The following KY variants were observed in gnomAD, a reference collection of about 807,000 sequenced individuals.
KY encodes kyphoscoliosis peptidase.
Under a neutral mutation model 76.1 loss-of-function variants are expected in KY, and 43 were observed. The observed-to-expected ratio is 0.57, with a 90% CI of 0.44 to 0.73. KY has a LOEUF of 0.73. Among genes scored for constraint, KY ranks in the 30% least tolerant of loss-of-function variants. The pLI, the probability that KY is intolerant of heterozygous loss-of-function variation, is 0.00. For missense variants in KY, 722 were observed against 828.9 expected (o/e 0.87, Z 1.58); for synonymous variants, 277 against 326.2 (o/e 0.85, Z 1.63).
At chr3:134,625,208 CT>C (rs1403224208) in intron 5 of KY, 73 bp from the exon 6 acceptor site, 27 of 1,172,110 alleles carry the variant, frequency 2.3e-5, no homozygotes, top group Non-Finnish European at 3.1e-5. Context: ...GCCTTGCTGT[CT>C]CTTTGAGGAG....
chr3:134,620,901 G>A (rs1393886990), intron 6 of KY, 44 bp from the exon 7 acceptor site: 4 of 1,173,034 alleles, frequency 3.4e-6, no homozygotes, highest in Non-Finnish European at 5.0e-6. Context: ...CTCGAGGAGG[G>A]GCTGTTGGGG....
chr3:134,610,514 G>T, intron 8 of KY, 131 bp from the exon 9 acceptor site: 1 of 760,830 alleles, frequency 1.3e-6, no homozygotes, highest in South Asian at 1.8e-5. Flanking sequence ...CTTGCTTCTT[G>T]TACTCACATA....
At chr3:134,643,218 C>G in intron 3 of KY, 98 bp downstream of exon 3, 1 of 1,165,094 alleles carries the variant, frequency 8.6e-7, no homozygotes, top group South Asian at 1.3e-5. Context: ...CCCTGCTCCC[C>G]ATAGTCTGAG....
chr3:134,608,685 G>A lies in KY; in HGVS notation c.1054C>T (p.Leu352=). ...HKSEFYNKGM[L]SAHPETSMIR... The stretch of plus-strand genomic sequence containing the variant: ...ATGGAAGTCTCTGGGTGGGCACTCA[G>A]CATCCCTTTGTTGTAGAATTCACTC... The change falls in exon 10 of 11, where the codon CTG becomes TTG. Residue 352 remains leucine (L), a synonymous_variant. Transcript: ENST00000423778. 1 of 1,614,050 alleles carries A rather than the reference G, an allele frequency of 6.2e-7. No homozygotes were observed. The highest frequency in any genetic ancestry group is 8.5e-7 in the Non-Finnish European group (1 of 1,179,900).
rs1331494550 is a variant in KY, at chr3:134,608,419, T to C, written c.1090+230A>G. On this transcript the variant is annotated intron_variant, in intron 10 of 10. Coordinates refer to ENST00000423778, the MANE Select transcript of KY (RefSeq NM_178554.6). ...CTTTCTGGGTTTATGCTAGTGTGAG[T>C]GAGCTTTTGTCCCTGCTGATGTGGC... is the stretch of plus-strand genomic sequence containing the variant. The C allele has an allele frequency of 2.0e-6, 3 of 1,493,064 alleles. No individual in the cohort carries two copies. In the East Asian group the frequency reaches 8.1e-5, roughly 40 times the overall value. The allele number at this position is 1,493,064 out of a possible 1,614,324, so 92.5% of individuals were successfully genotyped here.
In KY at chr3:134,604,403, G is replaced by T. The variant is rs1959104522; in HGVS notation, c.1162C>A (p.Gln388Lys). The T allele has an allele frequency of 6.2e-7, 1 of 1,613,982 alleles. No homozygotes were observed. Among genetic ancestry groups the T allele is most frequent in the African/African-American group, 1.3e-5 (1 of 75,048 alleles). Residue 388 changes from glutamine to lysine, a missense_variant, in exon 11 of 11, where the codon CAA becomes AAA. Physicochemically the swap from Gln to Lys is moderately conservative, Grantham distance 53. Around this residue, in one of 2 missense-constraint regions of KY, gnomAD observed 552 missense variants for 680.9 expected, o/e 0.81. Coordinates refer to ENST00000423778, the MANE Select transcript of KY (RefSeq NM_178554.6). ...TLFMFMLNGKQEHGLLSLRKN... is the reference protein window; with the variant it reads ...TLFMFMLNGKKEHGLLSLRKN... ...CTTAGGCTCAGCAGCCCATGCTCTTGCTTGCCATTGAGCATGAACATGAAC... is the reference window on the plus strand; with the variant it reads ...CTTAGGCTCAGCAGCCCATGCTCTTTCTTGCCATTGAGCATGAACATGAAC...
chr3:134,639,597 A>T (rs951602670), intron 3 of KY, among the ~76,000 whole-genome samples: 5 of 152,184 alleles, frequency 3.3e-5, no homozygotes, highest in Admixed American at 6.5e-5. Context: ...TTGCATGGGG[A>T]TAAGGGCTGA....
At chr3:134,642,038 T>C (rs912322795) in intron 3 of KY, among the ~76,000 whole-genome samples, 9 of 152,200 alleles carry the variant, frequency 5.9e-5, no homozygotes, top group African/African-American at 1.7e-4. Context: ...TGGCAGGTCC[T>C]GCTGGGCCCA....
chr3:134,645,494 C>T (rs1237428847), intron 2 of KY, among the ~76,000 whole-genome samples: 1 of 152,218 alleles, frequency 6.6e-6, no homozygotes, highest in Non-Finnish European at 1.5e-5. Flanking sequence ...GTGCCTTGGG[C>T]ACCAGTAAGG....
chr3:134,638,134 G>A (rs771092635), intron 3 of KY, among the ~76,000 whole-genome samples: 1 of 152,188 alleles, frequency 6.6e-6, no homozygotes, highest in South Asian at 2.1e-4. Context: ...TTACTGTTGT[G>A]TGAGGGCACC....
chr3:134,634,750 A>G (rs1395974981), intron 3 of KY, among the ~76,000 whole-genome samples: 2 of 152,220 alleles, frequency 1.3e-5, no homozygotes, highest in Non-Finnish European at 2.9e-5. Flanking sequence ...CAAAACTCGC[A>G]TAGAGAGGGC....
At chr3:134,645,117 C>T (rs1035959263) in intron 2 of KY, among the ~76,000 whole-genome samples, 1 of 152,228 alleles carries the variant, frequency 6.6e-6, no homozygotes, top group Non-Finnish European at 1.5e-5. Context: ...TTCCCTTTAG[C>T]TGTGGGGCGT....
At chr3:134,635,493 T>A (rs1311403265) in intron 3 of KY, among the ~76,000 whole-genome samples, 9 of 79,352 alleles carry the variant, frequency 1.1e-4, no homozygotes, top group Admixed American at 9.1e-4. Flanking sequence ...CGAGACTCTG[T>A]AAAAAAAAAA....
At chr3:134,607,485 C>T (rs1369186455) in intron 10 of KY, 6 of 985,508 alleles carry the variant, frequency 6.1e-6, no homozygotes, top group Non-Finnish European at 7.2e-6. Context: ...GGATGGAGGC[C>T]CCAGTGGCAG....
At chr3:134,637,588 A>G (rs1965141437) in intron 3 of KY, among the ~76,000 whole-genome samples, 1 of 152,242 alleles carries the variant, frequency 6.6e-6, no homozygotes, top group Non-Finnish European at 1.5e-5. Flanking sequence ...GCAAAAGTGA[A>G]CAACTTATTG....
At chr3:134,640,104 C>T (rs1235079776) in intron 3 of KY, among the ~76,000 whole-genome samples, 1 of 152,052 alleles carries the variant, frequency 6.6e-6, no homozygotes, top group Non-Finnish European at 1.5e-5. Context: ...TGTTCCTTTG[C>T]CACCTGTTGC....
chr3:134,600,135 T>C lies in KY; in HGVS notation c.*3444A>G, dbSNP rs1165211703. On this transcript the variant is annotated 3_prime_UTR_variant, in exon 11 of 11. Coordinates refer to ENST00000423778, the MANE Select transcript of KY (RefSeq NM_178554.6). ...AATAGAGGCACACCATCTTCGAAAA[T>C]TTTGCCAATAGCAAATGATGTAGTG... is the stretch of plus-strand genomic sequence containing the variant. 2.9e-4 allele frequency among the ~76,000 whole-genome samples: 44 copies of C among 152,156 alleles called. No individual in the cohort carries two copies. Among genetic ancestry groups the C allele is most frequent in the Admixed American group, 2.9e-3 (44 of 15,278 alleles).
intron 2 of KY, among the ~76,000 whole-genome samples, chr3:134,646,691 A>G (rs1966480431): frequency 6.6e-6 from 1 of 152,126 alleles, no homozygotes; most frequent in Admixed American, 6.6e-5. Flanking sequence ...TGGTTCCTTT[A>G]CACTGGCATT....
chr3:134,613,073 G>A (rs1470045533), intron 8 of KY: 4 of 154,368 alleles, frequency 2.6e-5, no homozygotes, highest in African/African-American at 7.2e-5. Context: ...GGAGGGATAA[G>A]GGGAGTCCTG....
Sources: gnomAD v4.1 joint callset for allele counts (sites outside exome capture counted in the v4.1 genomes callset) on GRCh38, gnomAD v4.1.1 for gene constraint, gnomAD v4.1.1 regional missense constraint, MANE v1.5 for transcripts, NCBI Gene and HGNC (gene_info 2026-07-23, HGNC 2026-07-21) for gene names.